The following SMYD3 variants were observed in gnomAD, a reference collection of about 807,000 sequenced individuals.
The protein encoded by SMYD3 is histone-lysine N-methyltransferase SMYD3.
SMYD3 carries 36 observed loss-of-function variants against 57.7 expected under a neutral mutation model. The ratio of observed to expected loss-of-function variants is 0.62; its 90% confidence interval spans 0.48 to 0.82. The LOEUF is 0.82. Ranked by LOEUF, SMYD3 falls within the 40% of genes least tolerant of loss-of-function variation. SMYD3 has a pLI of 0.00. For missense variants in SMYD3, 515 were observed against 538.8 expected, an observed-to-expected ratio of 0.96 and a Z score of 0.44; for synonymous variants, 211 against 195.0, an observed-to-expected ratio of 1.08 and a Z score of -0.68.
chr1:245,757,428 G>A (rs2148026041), intron 11 of SMYD3, among the ~76,000 whole-genome samples: 1 of 151,820 alleles, frequency 6.6e-6, no homozygotes, highest in South Asian at 2.1e-4. Context: ...TTTAATTTTG[G>A]TGAAGTCCAA....
intron 10 of SMYD3, among the ~76,000 whole-genome samples, chr1:245,827,327 G>A (rs1042335970): frequency 6.6e-6 from 1 of 152,158 alleles, no homozygotes; most frequent in Non-Finnish European, 1.5e-5. Flanking sequence ...GAGCGACACT[G>A]AGGCCCAGAT....
chr1:246,322,677 TCCGTTCAG>T (rs1197381347), intron 5 of SMYD3, among the ~76,000 whole-genome samples: 1 of 152,136 alleles, frequency 6.6e-6, no homozygotes, highest in Non-Finnish European at 1.5e-5. Context: ...CACTTTTATC[TCCGTTCAG>T]CCACACACTC....
intron 2 of SMYD3, among the ~76,000 whole-genome samples, chr1:246,342,906 C>T (rs2065654629): frequency 6.6e-6 from 1 of 151,520 alleles, no homozygotes; most frequent in Non-Finnish European, 1.5e-5. Context: ...CTGCAGGGTT[C>T]CAAAAATATA....
intron 5 of SMYD3, among the ~76,000 whole-genome samples, chr1:245,935,183 A>G (rs767175375): frequency 6.6e-6 from 1 of 152,228 alleles, no homozygotes; most frequent in African/African-American, 2.4e-5. Flanking sequence ...CCTAAAATAT[A>G]TAAGAAACTC....
At chr1:246,424,790 T>C (rs996135882) in intron 1 of SMYD3, among the ~76,000 whole-genome samples, 2 of 152,178 alleles carry the variant, frequency 1.3e-5, no homozygotes, top group East Asian at 1.9e-4. Flanking sequence ...TTAAGTCAAA[T>C]AGTTATTTGC....
rs893719034 is a variant in SMYD3 at position 246,203,343 on chromosome 1, T to A, written c.531+123858A>T. Among the ~76,000 whole-genome samples the A allele has an allele frequency of 6.6e-6, 1 of 152,158 alleles. No individual in the cohort carries two copies. The highest frequency in any genetic ancestry group is 2.4e-5 in the African/African-American group (1 of 41,438). On this transcript the variant is annotated intron_variant, in intron 5 of 11. Coordinates refer to ENST00000490107, the MANE Select transcript of SMYD3 (RefSeq NM_001167740.2). The surrounding 1 kb of genome is among the most constrained non-coding windows in gnomAD (Gnocchi z 4.6). ...ACCATCAGACACAATCTCTGCTCCA[T>A]CAATTCTCTCCCGCTTCTGGACGCC...
intron 5 of SMYD3, among the ~76,000 whole-genome samples, chr1:246,075,844 G>A (rs993926083): frequency 1.3e-5 from 2 of 149,906 alleles, no homozygotes; most frequent in Non-Finnish European, 3.0e-5. Flanking sequence ...TATTTTACAT[G>A]AAATGGGACA....
At chr1:246,153,942 C>T (rs543446235) in intron 5 of SMYD3, among the ~76,000 whole-genome samples, 1 of 152,308 alleles carries the variant, frequency 6.6e-6, no homozygotes. Context: ...CATCATTAGG[C>T]ACTAAATCTA....
At chr1:246,276,280 C>T (rs576063499) in intron 5 of SMYD3, among the ~76,000 whole-genome samples, 1 of 121,844 alleles carries the variant, frequency 8.2e-6, no homozygotes, top group African/African-American at 2.9e-5. Flanking sequence ...TTTTCACTAG[C>T]CGTATTAACA....
At chr1:246,426,319 A>G (rs2067217411) in intron 1 of SMYD3, among the ~76,000 whole-genome samples, 1 of 152,194 alleles carries the variant, frequency 6.6e-6, no homozygotes. Flanking sequence ...GTATATTTAG[A>G]GAGCTGTACA....
At chr1:245,946,327 G>A (rs189475314) in intron 5 of SMYD3, among the ~76,000 whole-genome samples, 7 of 152,190 alleles carry the variant, frequency 4.6e-5, no homozygotes, top group East Asian at 1.9e-4. Flanking sequence ...TTCCTCCACC[G>A]CATGTGGAGG....
chr1:245,875,272 A>G (rs760026756), intron 8 of SMYD3, among the ~76,000 whole-genome samples: 6 of 152,222 alleles, frequency 3.9e-5, no homozygotes, highest in Non-Finnish European at 5.9e-5. Flanking sequence ...TTCCAGACAA[A>G]GGTCTGACGG....
chr1:246,458,613 ATTTTTTTTT>A (rs74163446), intron 1 of SMYD3, among the ~76,000 whole-genome samples: 8 of 46,872 alleles, frequency 1.7e-4, no homozygotes, highest in South Asian at 1.3e-3. Context: ...CGCCTGGCTG[ATTTTTTTTT>A]TTTTTTTTTT....
chr1:246,402,163 A>G (rs2066780578), intron 1 of SMYD3, among the ~76,000 whole-genome samples: 1 of 152,102 alleles, frequency 6.6e-6, no homozygotes, highest in Non-Finnish European at 1.5e-5. Flanking sequence ...TTTTACTGTA[A>G]TCACAGAAAC....
intron 5 of SMYD3, among the ~76,000 whole-genome samples, chr1:246,232,667 C>T (rs1363098998): frequency 7.6e-6 from 1 of 130,866 alleles, no homozygotes; most frequent in Non-Finnish European, 1.6e-5. Context: ...AGCACTCCTT[C>T]AATCCACACT....
chr1:246,025,694 G>A (rs189605888), intron 5 of SMYD3, among the ~76,000 whole-genome samples: 1 of 152,276 alleles, frequency 6.6e-6, no homozygotes, highest in African/African-American at 2.4e-5. Flanking sequence ...TCTTGATGAA[G>A]GAAGTGAGCA....
At chr1:246,308,225 G>A (rs906470131) in intron 5 of SMYD3, among the ~76,000 whole-genome samples, 3 of 152,004 alleles carry the variant, frequency 2.0e-5, no homozygotes, top group African/African-American at 7.3e-5. Flanking sequence ...TACCAGACAG[G>A]GCGGAAATGA....
chr1:246,160,388 A>G (rs1223223865), intron 5 of SMYD3, among the ~76,000 whole-genome samples: 2 of 151,868 alleles, frequency 1.3e-5, no homozygotes, highest in Non-Finnish European at 2.9e-5. Context: ...GAAAATTCAT[A>G]TTAGTGGGAA....
At chr1:246,497,907 G>A (rs1242988421) in intron 1 of SMYD3, among the ~76,000 whole-genome samples, 1 of 151,616 alleles carries the variant, frequency 6.6e-6, no homozygotes, top group Non-Finnish European at 1.5e-5. Context: ...CAAGAAAAAT[G>A]AGCAAAAGAT....
Sources: gnomAD v4.1 joint callset for allele counts (sites outside exome capture counted in the v4.1 genomes callset) on GRCh38, gnomAD v4.1.1 for gene constraint, Gnocchi (gnomAD v3.1) non-coding constraint, MANE v1.5 for transcripts, NCBI Gene and HGNC (gene_info 2026-07-23, HGNC 2026-07-21) for gene names.